Variants in PRKDC observed in about 807,000 individuals in gnomAD.
PRKDC encodes the protein protein kinase, DNA-activated, catalytic subunit, also known as DNA-dependent protein kinase catalytic subunit.
PRKDC carries 82 observed loss-of-function variants against 486.9 expected under a neutral mutation model. The observed-to-expected ratio is 0.17, with a 90% CI of 0.14 to 0.20. The LOEUF (loss-of-function observed/expected upper bound fraction) is 0.20, where lower values mean the gene tolerates loss of function less well. Among genes scored for constraint, PRKDC ranks in the 10% least tolerant of loss-of-function variants. The pLI is 1.00. For synonymous variants in PRKDC, 1,895 were observed against 1,837.0 expected, an observed-to-expected ratio of 1.03 and a Z score of -0.81; for missense variants, 4,504 against 5,038.2, an observed-to-expected ratio of 0.89 and a Z score of 3.21.
At chr8:47,816,902 A>G (rs1272478756) in intron 68 of PRKDC, among the ~76,000 whole-genome samples, 2 of 151,824 alleles carry the variant, frequency 1.3e-5, no homozygotes, top group Non-Finnish European at 2.9e-5. Flanking sequence ...CCTATTTCCT[A>G]CACACATTTG....
chr8:47,901,865 C>CG (rs1267817784), intron 27 of PRKDC, among the ~76,000 whole-genome samples: 2 of 152,116 alleles, frequency 1.3e-5, no homozygotes, highest in Admixed American at 1.3e-4. Flanking sequence ...GAATGAACAC[C>CG]ACTACCTTAG....
At chr8:47,797,959 C>T (rs2087015805) in intron 73 of PRKDC, among the ~76,000 whole-genome samples, 1 of 152,260 alleles carries the variant, frequency 6.6e-6, no homozygotes, top group Admixed American at 6.5e-5. Flanking sequence ...GTTTCCCACA[C>T]AAGATCCCGT....
At chr8:47,916,052 G>A (rs2089976894) in intron 22 of PRKDC, among the ~76,000 whole-genome samples, 1 of 152,160 alleles carries the variant, frequency 6.6e-6, no homozygotes, top group South Asian at 2.1e-4. Context: ...TTCCTCATCT[G>A]AAAATACTGG....
chr8:47,934,194 C>T (rs1352655368), intron 14 of PRKDC, 104 bp from the exon 15 acceptor site: 1 of 1,252,172 alleles, frequency 8.0e-7, no homozygotes, highest in East Asian at 2.4e-5. Context: ...AAACTGCCAC[C>T]CATAGGAGAC....
chr8:47,902,815 C>A lies in PRKDC; in HGVS notation c.3043-20G>T, dbSNP rs2089712905. ...TCCATCCTGAAACAAAACAAAGAGACCTTGATTGTACTAATTTTTATAACC... is the reference window on the plus strand; with the variant it reads ...TCCATCCTGAAACAAAACAAAGAGAACTTGATTGTACTAATTTTTATAACC... On this transcript the variant is annotated intron_variant, in intron 26 of 85. Coordinates refer to ENST00000314191, the MANE Select transcript of PRKDC (RefSeq NM_006904.7). 1.3e-6 allele frequency: 2 copies of A among 1,566,604 alleles called. No homozygotes were observed. Among genetic ancestry groups the A allele is most frequent in the Non-Finnish European group, 8.7e-7 (1 of 1,155,878 alleles).
intron 40 of PRKDC, among the ~76,000 whole-genome samples, chr8:47,876,444 T>C (rs572185660): frequency 3.2e-4 from 49 of 152,140 alleles, no homozygotes; most frequent in African/African-American, 1.2e-3. Flanking sequence ...AGCAGATCAT[T>C]TGAGGTCAGG....
At position 47,857,277 on chromosome 8, in the gene PRKDC, T is replaced by A; in HGVS notation, c.6488A>T (p.His2163Leu). ...CAGCTGCAGCAAGGGGCTAAGCCAGTGCTTCGCGTAAGGGCGAAAGACCTA... is the reference window on the plus strand; with the variant it reads ...CAGCTGCAGCAAGGGGCTAAGCCAGAGCTTCGCGTAAGGGCGAAAGACCTA... ...TEEVFRPYAKHWLSPLLQLAA... is the reference protein window; with the variant it reads ...TEEVFRPYAKLWLSPLLQLAA... The change falls in exon 49 of 86, where the codon CAC becomes CTC. Residue 2163 changes from histidine to leucine, a missense_variant. His to Leu is a moderately conservative substitution (Grantham distance 99). Transcript: ENST00000314191. 2 of 1,612,372 alleles carry A rather than the reference T, an allele frequency of 1.2e-6. No individual in the cohort carries two copies. Among genetic ancestry groups the A allele is most frequent in the Non-Finnish European group, 8.5e-7 (1 of 1,179,340 alleles).
intron 26 of PRKDC, among the ~76,000 whole-genome samples, chr8:47,903,455 G>C (rs1362255176): frequency 6.6e-6 from 1 of 152,210 alleles, no homozygotes; most frequent in Non-Finnish European, 1.5e-5. Context: ...AACACTTCCA[G>C]TTATCTGCTA....
chr8:47,826,691 G>T lies in PRKDC; in HGVS notation c.8748C>A (p.Leu2916=), dbSNP rs1455571289. The change falls in exon 63 of 86, where the codon CTC becomes CTA. Residue 2916 remains leucine (L), a synonymous_variant. Coordinates refer to ENST00000314191, the MANE Select transcript of PRKDC (RefSeq NM_006904.7). ...PAKRVRGKAR[L]PPDVLRWVEL... ...CCACCCATCTGAGGACATCAGGAGG[G>T]AGGCGGGCCTTCCCACGGACTCGCT... 2 of 1,613,032 alleles carry T rather than the reference G, an allele frequency of 1.2e-6. No homozygotes were observed. Among genetic ancestry groups the T allele is most frequent in the Admixed American group, 3.3e-5 (2 of 60,014 alleles).
At chr8:47,955,102 C>T (rs1479669847) in intron 4 of PRKDC, among the ~76,000 whole-genome samples, 1 of 151,780 alleles carries the variant, frequency 6.6e-6, no homozygotes, top group Non-Finnish European at 1.5e-5. Flanking sequence ...TGCAGTGAGC[C>T]GAGATTGCGC....
At chr8:47,873,596 A>C (rs887440918) in intron 40 of PRKDC, among the ~76,000 whole-genome samples, 7 of 152,226 alleles carry the variant, frequency 4.6e-5, no homozygotes, top group African/African-American at 1.7e-4. Flanking sequence ...ACAACAGCCA[A>C]AACTTGGAAG....
In PRKDC at chr8:47,885,941, T is replaced by C. The variant is rs1248295333; in HGVS notation, c.4776+3A>G. 1 of 1,610,320 alleles carries C rather than the reference T, an allele frequency of 6.2e-7. No homozygotes were observed. Among genetic ancestry groups the C allele is most frequent in the South Asian group, 1.1e-5 (1 of 90,840 alleles). Reference sequence around the variant, plus strand: ...CAGTTTATTTAAAGGGAAACTTTGTTACCATTTTGGTATTATCCACTGAAG... The same window carrying C: ...CAGTTTATTTAAAGGGAAACTTTGTCACCATTTTGGTATTATCCACTGAAG... On this transcript the variant is annotated splice_donor_region_variant and intron_variant, in intron 36 of 85. Coordinates refer to ENST00000314191, the MANE Select transcript of PRKDC (RefSeq NM_006904.7).
chr8:47,915,502 C>T, intron 22 of PRKDC, 84 bp from the exon 23 acceptor site: 1 of 790,982 alleles, frequency 1.3e-6, no homozygotes, highest in Non-Finnish European at 2.0e-6. Flanking sequence ...TCTTTGCCAC[C>T]CACTTGGATG....
chr8:47,903,933 C>T (rs1472939942), intron 26 of PRKDC, among the ~76,000 whole-genome samples: 4 of 152,120 alleles, frequency 2.6e-5, no homozygotes, highest in Admixed American at 6.5e-5. Flanking sequence ...ACCACCCTAA[C>T]GAATGTTCAG....
rs2086707292 is a variant in PRKDC at position 47,782,050 on chromosome 8, C to G, written c.11489+112G>C. The G allele has an allele frequency of 3.4e-6, 3 of 872,716 alleles. No homozygotes were observed. The East Asian group carries it at 7.5e-5, about 22-fold the overall frequency. The allele number at this position is 872,716 out of a possible 1,614,324, so 54.1% of individuals were successfully genotyped here. A position where few individuals can be genotyped will look rare whatever the true frequency, so the allele number is the denominator to read the frequency against. ...TTGGTTTATTGACCCAGCCAGCAGA[C>G]TGCGGGGCAGGCAGTGTGGGCTCTC... On this transcript the variant is annotated intron_variant, in intron 80 of 85. Transcript: ENST00000314191. The surrounding 1 kb of genome is among the most constrained non-coding windows in gnomAD (Gnocchi z 4.9).
intron 68 of PRKDC, among the ~76,000 whole-genome samples, chr8:47,809,163 A>G (rs1031500415): frequency 1.1e-4 from 17 of 151,178 alleles, no homozygotes; most frequent in African/African-American, 4.1e-4. Context: ...GGGAGAAGGA[A>G]ACACTGCAGG....
At chr8:47,893,041 C>G (rs1395805702) in intron 31 of PRKDC, 98 bp downstream of exon 31, 2 of 1,400,898 alleles carry the variant, frequency 1.4e-6, no homozygotes, top group Non-Finnish European at 1.9e-6. Context: ...GTGCACAGCA[C>G]CTACCATCAT....
At chr8:47,820,160 C>T (rs1190650060) in intron 66 of PRKDC, among the ~76,000 whole-genome samples, 1 of 152,152 alleles carries the variant, frequency 6.6e-6, no homozygotes, top group Non-Finnish European at 1.5e-5. Flanking sequence ...CGTCTGTAAT[C>T]CCAGCACTTT....
At chr8:47,870,453 A>G (rs150829860) in intron 40 of PRKDC, among the ~76,000 whole-genome samples, 6 of 152,330 alleles carry the variant, frequency 3.9e-5, no homozygotes, top group Non-Finnish European at 5.9e-5. Flanking sequence ...TGGTACCTCT[A>G]TAAGTCTGTA....
Sources: gnomAD v4.1 joint callset for allele counts (sites outside exome capture counted in the v4.1 genomes callset) on GRCh38, gnomAD v4.1.1 for gene constraint, Gnocchi (gnomAD v3.1) non-coding constraint, MANE v1.5 for transcripts, NCBI Gene and HGNC (gene_info 2026-07-23, HGNC 2026-07-21) for gene names.